Variants in ANO4 observed in about 807,000 individuals in gnomAD.
The protein encoded by ANO4 is anoctamin-4.
ANO4 carries 69 observed loss-of-function variants against 141.9 expected under a neutral mutation model. The observed-to-expected ratio is 0.49, with a 90% CI of 0.40 to 0.59. The LOEUF (loss-of-function observed/expected upper bound fraction) is 0.59, where lower values mean the gene tolerates loss of function less well. ANO4 is among the 20% of genes least tolerant of loss of function. ANO4 has a pLI of 0.00. For synonymous variants in ANO4, 350 were observed against 394.3 expected, an observed-to-expected ratio of 0.89 and a Z score of 1.33; for missense variants, 894 against 1,162.2, an observed-to-expected ratio of 0.77 and a Z score of 3.36.
At chr12:100,889,241 T>A (rs2039987848) in intron 1 of ANO4, among the ~76,000 whole-genome samples, 1 of 152,132 alleles carries the variant, frequency 6.6e-6, no homozygotes, top group South Asian at 2.1e-4. Flanking sequence ...TAGTATTCCA[T>A]GGTGTATATG....
At chr12:100,867,048 T>A (rs1283997320) in intron 1 of ANO4, among the ~76,000 whole-genome samples, 1 of 152,088 alleles carries the variant, frequency 6.6e-6, no homozygotes. Context: ...TGGATCCCGA[T>A]TTTCTTTACT....
At chr12:101,042,560 T>C in intron 12 of ANO4, 92 bp downstream of exon 12, 1 of 1,520,038 alleles carries the variant, frequency 6.6e-7, no homozygotes, top group African/African-American at 1.4e-5. Flanking sequence ...TGGAGACATT[T>C]AGCTTTTCAC....
At chr12:100,874,820 A>C (rs1239157623) in intron 1 of ANO4, among the ~76,000 whole-genome samples, 2 of 152,128 alleles carry the variant, frequency 1.3e-5, no homozygotes, top group African/African-American at 4.8e-5. Flanking sequence ...ACACCCAGCC[A>C]GGAGTTTTAA....
chr12:100,843,208 T>A (rs1240276181), intron 1 of ANO4, among the ~76,000 whole-genome samples: 1 of 152,208 alleles, frequency 6.6e-6, no homozygotes, highest in Non-Finnish European at 1.5e-5. Flanking sequence ...GCTTTAGGAA[T>A]GTGCTTGGTA....
intron 5 of ANO4, among the ~76,000 whole-genome samples, chr12:100,950,208 A>G (rs184037945): frequency 5.9e-5 from 9 of 152,224 alleles, no homozygotes; most frequent in Admixed American, 5.9e-4. Flanking sequence ...TCTGTCCTCT[A>G]GGGCTTTCTG....
At chr12:101,017,958 G>T (rs145543162) in intron 8 of ANO4, among the ~76,000 whole-genome samples, 12 of 152,174 alleles carry the variant, frequency 7.9e-5, no homozygotes, top group African/African-American at 2.7e-4. Context: ...TTATTATAGA[G>T]AACATTTACA....
intron 22 of ANO4, among the ~76,000 whole-genome samples, chr12:101,103,481 T>C (rs760589419): frequency 9.2e-5 from 14 of 151,580 alleles, no homozygotes; most frequent in Non-Finnish European, 1.5e-4. Context: ...TCTGAATCTA[T>C]TGAAATGATT....
At chr12:100,924,353 G>C (rs529734886) in intron 3 of ANO4, among the ~76,000 whole-genome samples, 37 of 152,194 alleles carry the variant, frequency 2.4e-4, no homozygotes, top group Non-Finnish European at 4.3e-4. Flanking sequence ...GAACAACTGA[G>C]GGTGGAAGAA....
At chr12:100,805,445 T>C (rs2034952068) in intron 1 of ANO4, among the ~76,000 whole-genome samples, 2 of 152,236 alleles carry the variant, frequency 1.3e-5, no homozygotes, top group Non-Finnish European at 2.9e-5. Context: ...TCTTTTTTGG[T>C]TCCATATGAA....
upstream of ANO4, among the ~76,000 whole-genome samples, chr12:100,793,532 C>A (rs1425096087): frequency 1.3e-5 from 2 of 151,450 alleles, no homozygotes; most frequent in Admixed American, 1.3e-4. Context: ...TAAAAACAGA[C>A]AACTAAAATT....
At chr12:101,036,853 T>C (rs2047216534) in intron 9 of ANO4, among the ~76,000 whole-genome samples, 1 of 152,232 alleles carries the variant, frequency 6.6e-6, no homozygotes, top group Non-Finnish European at 1.5e-5. Flanking sequence ...AGTCATCACA[T>C]TATAAACTTT....
At chr12:100,839,933 T>C (rs1050231307) in intron 1 of ANO4, among the ~76,000 whole-genome samples, 2 of 152,060 alleles carry the variant, frequency 1.3e-5, no homozygotes, top group African/African-American at 4.8e-5. Context: ...TGGACATGAG[T>C]CCTATAGTGC....
At chr12:100,896,492 G>T (rs1039808055) in intron 1 of ANO4, among the ~76,000 whole-genome samples, 3 of 152,178 alleles carry the variant, frequency 2.0e-5, no homozygotes, top group African/African-American at 7.2e-5. Context: ...CAGGTGTTCA[G>T]TTTGCACTTC....
chr12:101,062,377 G>A (rs1364358929), intron 14 of ANO4, among the ~76,000 whole-genome samples: 4 of 152,238 alleles, frequency 2.6e-5, no homozygotes, highest in Admixed American at 2.6e-4. Flanking sequence ...ACCCACTTGA[G>A]GAGGTAGTCT....
intron 8 of ANO4, among the ~76,000 whole-genome samples, chr12:101,014,960 G>C (rs1370034746): frequency 6.6e-6 from 1 of 151,464 alleles, no homozygotes; most frequent in Non-Finnish European, 1.5e-5. Flanking sequence ...CTCCTGAGTA[G>C]CTGGGACTAT....
intron 1 of ANO4, among the ~76,000 whole-genome samples, chr12:100,838,587 A>G (rs1020414904): frequency 3.3e-5 from 5 of 152,176 alleles, no homozygotes; most frequent in East Asian, 1.9e-4. Context: ...GGGAATACAT[A>G]TGGTAAAAAC....
At chr12:101,102,368 A>G (rs2050225157) in intron 22 of ANO4, among the ~76,000 whole-genome samples, 1 of 152,188 alleles carries the variant, frequency 6.6e-6, no homozygotes. Flanking sequence ...CAGTTATTCC[A>G]CAAACTTACT....
At chr12:100,930,716 G>A (rs915914097) in intron 3 of ANO4, among the ~76,000 whole-genome samples, 1 of 152,102 alleles carries the variant, frequency 6.6e-6, no homozygotes, top group African/African-American at 2.4e-5. Flanking sequence ...GGTTCTTTAG[G>A]GAGATGTCAA....
At chr12:101,078,967 T>G (rs905608) in intron 14 of ANO4, among the ~76,000 whole-genome samples, 3 of 152,058 alleles carry the variant, frequency 2.0e-5, no homozygotes, top group Admixed American at 6.5e-5. Flanking sequence ...TCAGCTTAAT[T>G]CAATTCTAAG....
Sources: gnomAD v4.1 joint callset for allele counts (sites outside exome capture counted in the v4.1 genomes callset) on GRCh38, gnomAD v4.1.1 for gene constraint, MANE v1.5 for transcripts, NCBI Gene and HGNC (gene_info 2026-07-23, HGNC 2026-07-21) for gene names.